EYA1: variants seen among roughly 807,000 people sequenced by gnomAD.
EYA1 encodes protein phosphatase EYA1.
In EYA1, 16 loss-of-function variants were observed where a neutral mutation model predicts 82.0. That is an observed-to-expected ratio of 0.20 (90% CI 0.13 to 0.30). The LOEUF (loss-of-function observed/expected upper bound fraction) is 0.30, where lower values mean the gene tolerates loss of function less well. Among genes scored for constraint, EYA1 ranks in the 10% least tolerant of loss-of-function variants. The probability of loss-of-function intolerance (pLI) is 1.00; values close to 1 mark genes in which losing one functional copy is unlikely to be tolerated. For missense variants in EYA1, 633 were observed against 730.7 expected (o/e 0.87, Z 1.54); for synonymous variants, 261 against 264.4 (o/e 0.99, Z 0.12).
intron 9 of EYA1, among the ~76,000 whole-genome samples, chr8:71,282,034 A>G (rs539573326): frequency 6.6e-6 from 1 of 152,340 alleles, no homozygotes; most frequent in South Asian, 2.1e-4. Context: ...CTCATTGCCA[A>G]GGAACCTGGC....
At chr8:71,209,740 C>T (rs959946509) in intron 17 of EYA1, among the ~76,000 whole-genome samples, 8 of 152,062 alleles carry the variant, frequency 5.3e-5, no homozygotes, top group Non-Finnish European at 8.8e-5. Flanking sequence ...ACATGGATTC[C>T]TATGAGGGAG....
chr8:71,482,138 A>C (rs1453124147), intron 2 of EYA1, among the ~76,000 whole-genome samples: 3 of 152,228 alleles, frequency 2.0e-5, no homozygotes, highest in African/African-American at 7.2e-5. Flanking sequence ...GGTATTCACA[A>C]GACATATATC....
intron 4 of EYA1, among the ~76,000 whole-genome samples, chr8:71,326,399 T>A (rs1476427283): frequency 1.3e-5 from 2 of 151,640 alleles, no homozygotes; most frequent in Non-Finnish European, 2.9e-5. Context: ...ACCCCAAACC[T>A]TACAACTTCT....
intron 2 of EYA1, among the ~76,000 whole-genome samples, chr8:71,368,790 C>G (rs1320057942): frequency 2.0e-5 from 3 of 151,992 alleles, no homozygotes; most frequent in South Asian, 4.1e-4. Flanking sequence ...ACAGGAGGGA[C>G]CACACCTTTA....
intron 11 of EYA1, among the ~76,000 whole-genome samples, chr8:71,257,462 A>T (rs1814581773): frequency 6.6e-6 from 1 of 152,214 alleles, no homozygotes; most frequent in African/African-American, 2.4e-5. Context: ...AAAATTTAAA[A>T]CACGTGCAAG....
chr8:71,407,486 A>T (rs953913006), intron 2 of EYA1, among the ~76,000 whole-genome samples: 1 of 150,406 alleles, frequency 6.6e-6, no homozygotes, highest in Non-Finnish European at 1.5e-5. Flanking sequence ...AAAATTTAGA[A>T]GAATGTATAA....
chr8:71,427,468 T>C (rs1267404411), intron 2 of EYA1, among the ~76,000 whole-genome samples: 1 of 152,150 alleles, frequency 6.6e-6, no homozygotes, highest in African/African-American at 2.4e-5. Flanking sequence ...TTAAGGAAAG[T>C]CCATTCAGAG....
chr8:71,203,082 G>A (rs1807268400), intron 17 of EYA1, among the ~76,000 whole-genome samples: 1 of 152,100 alleles, frequency 6.6e-6, no homozygotes, highest in South Asian at 2.1e-4. Context: ...GGTGGCAAAA[G>A]AGAAAAAGAA....
intron 11 of EYA1, among the ~76,000 whole-genome samples, chr8:71,265,831 T>C (rs1815727182): frequency 6.6e-6 from 1 of 152,232 alleles, no homozygotes; most frequent in South Asian, 2.1e-4. Context: ...CTAGTTTACG[T>C]AGCACTCACA....
intron 9 of EYA1, among the ~76,000 whole-genome samples, chr8:71,295,532 T>A (rs1819502234): frequency 6.6e-6 from 1 of 152,220 alleles, no homozygotes; most frequent in Non-Finnish European, 1.5e-5. Context: ...TACTTCTCAA[T>A]TAGAATGTCC....
intron 1 of EYA1, chr8:71,547,415 C>A (rs1367300807): frequency 6.6e-6 from 1 of 152,324 alleles, no homozygotes; most frequent in East Asian, 1.9e-4. Flanking sequence ...CAGCGCCCGA[C>A]GCCACGGGCC....
intron 2 of EYA1, among the ~76,000 whole-genome samples, chr8:71,414,450 T>C (rs1182142124): frequency 1.3e-5 from 2 of 152,254 alleles, no homozygotes; most frequent in Non-Finnish European, 2.9e-5. Flanking sequence ...TGTACTGTCA[T>C]CTTTGACAAG....
At chr8:71,408,672 ACTAT>A (rs1172630481) in intron 2 of EYA1, among the ~76,000 whole-genome samples, 1 of 113,844 alleles carries the variant, frequency 8.8e-6, no homozygotes, top group African/African-American at 3.7e-5. Context: ...AGAGGAGCTA[ACTAT>A]CCTAAATATA....
intron 2 of EYA1, among the ~76,000 whole-genome samples, chr8:71,531,486 C>A (rs147039372): frequency 1.1e-3 from 163 of 152,154 alleles, no homozygotes; most frequent in African/African-American, 3.6e-3. Context: ...TTAACTGCAG[C>A]CCTCACAACT....
chr8:71,494,624 C>T (rs553756141), intron 2 of EYA1, among the ~76,000 whole-genome samples: 5 of 152,090 alleles, frequency 3.3e-5, no homozygotes, highest in African/African-American at 9.6e-5. Flanking sequence ...ATAATTTGCT[C>T]GGTTTCAAAA....
At position 71,317,551 on chromosome 8, in the gene EYA1, C is replaced by T; in HGVS notation, c.556+1G>A. The stretch of plus-strand genomic sequence containing the variant: ...GAAAATAGCAATGTGTATATACAGA[C>T]CTTGCATCTGGTAGCTGTATGGTGC... On this transcript the variant is annotated splice_donor_variant, in intron 7 of 17. Transcript: ENST00000340726. LOFTEE classifies it high-confidence loss of function. 1.2e-6 allele frequency: 2 copies of T among 1,614,036 alleles called. No homozygotes were observed. The highest frequency in any genetic ancestry group is 2.2e-5 in the East Asian group (1 of 44,864).
chr8:71,455,841 T>C (rs369777471), intron 2 of EYA1, among the ~76,000 whole-genome samples: 204 of 152,268 alleles, frequency 1.3e-3, no homozygotes, highest in Non-Finnish European at 2.1e-3. Context: ...CTTTGAAAAC[T>C]GGCACAAGAC....
At position 71,237,263 on chromosome 8, in the gene EYA1, G is replaced by A. The variant is rs143364303; in HGVS notation, c.1140+7340C>T. Among the ~76,000 whole-genome samples, 589 of 152,176 alleles carry A rather than the reference G, an allele frequency of 3.9e-3. 3 individuals carry two copies. The highest frequency in any genetic ancestry group is 0.024 in the Middle Eastern group (7 of 294). ...GATGGGGTCTCACCATGATGGCCAG[G>A]CTGGTCTCAAACTCCTGACCTCGTG... On this transcript the variant is annotated intron_variant, in intron 12 of 17. Transcript: ENST00000340726.
At chr8:71,492,236 G>T (rs191227895) in intron 2 of EYA1, among the ~76,000 whole-genome samples, 1 of 152,188 alleles carries the variant, frequency 6.6e-6, no homozygotes, top group East Asian at 1.9e-4. Flanking sequence ...GGAGTGGCGC[G>T]TCTGAAGGGC....
Sources: allele counts gnomAD v4.1 joint callset (sites outside exome capture counted in the v4.1 genomes callset), GRCh38; gene constraint gnomAD v4.1.1; transcripts MANE v1.5; gene names NCBI Gene and HGNC (gene_info 2026-07-23, HGNC 2026-07-21).